Variants in UNC5D observed in about 807,000 individuals in gnomAD.
The protein encoded by UNC5D is unc-5 netrin receptor D, also known as netrin receptor UNC5D.
A neutral mutation model predicts 105.4 loss-of-function variants in UNC5D; 39 were observed. The ratio of observed to expected loss-of-function variants is 0.37; its 90% confidence interval spans 0.29 to 0.48. The LOEUF (loss-of-function observed/expected upper bound fraction) is 0.48, where lower values mean the gene tolerates loss of function less well. Among genes scored for constraint, UNC5D ranks in the 20% least tolerant of loss-of-function variants. UNC5D has a pLI of 0.98. For missense variants in UNC5D, 991 were observed against 1,202.4 expected (o/e 0.82, Z 2.60); for synonymous variants, 452 against 450.4 (o/e 1.00, Z -0.04).
In UNC5D at chr8:35,794,411, C is replaced by T. The variant is rs554087387; in HGVS notation, c.*3848C>T. The T allele has an allele frequency of 1.3e-5, 2 of 152,400 alleles. No individual in the cohort carries two copies. Among genetic ancestry groups the T allele is most frequent in the African/African-American group, 2.4e-5 (1 of 41,558 alleles). The allele number at this position is 152,400 out of a possible 1,614,324, so 9.4% of individuals were successfully genotyped here. On this transcript the variant is annotated 3_prime_UTR_variant, in exon 17 of 17. Coordinates refer to ENST00000404895, the MANE Select transcript of UNC5D (RefSeq NM_080872.4). ...CAGAGTTTGAATCCTCAGTAACTCT[C>T]ATTGACTGGATTAGAGGTGATGGCC...
intron 1 of UNC5D, among the ~76,000 whole-genome samples, chr8:35,527,830 C>A (rs1813993546): frequency 6.6e-6 from 1 of 152,076 alleles, no homozygotes; most frequent in Non-Finnish European, 1.5e-5. Context: ...CCACTCTTGG[C>A]CTCTCCTGTT....
intron 1 of UNC5D, among the ~76,000 whole-genome samples, chr8:35,289,307 TAA>T (rs1271109694): frequency 6.6e-6 from 1 of 152,150 alleles, no homozygotes; most frequent in Non-Finnish European, 1.5e-5. Context: ...CAAGCAGACA[TAA>T]AAGTTGTAAA....
intron 1 of UNC5D, chr8:35,254,530 C>T (rs1803943243): frequency 1.3e-5 from 2 of 152,142 alleles, no homozygotes; most frequent in African/African-American, 4.8e-5. Flanking sequence ...AAGACCATTA[C>T]ACTTACTGAG....
chr8:35,446,813 T>C (rs1807827831), intron 1 of UNC5D, among the ~76,000 whole-genome samples: 1 of 152,122 alleles, frequency 6.6e-6, no homozygotes, highest in Admixed American at 6.6e-5. Flanking sequence ...TGATGGCCTG[T>C]CCTGTGAGGA....
chr8:35,350,517 A>C (rs950025700), intron 1 of UNC5D, among the ~76,000 whole-genome samples: 1 of 152,056 alleles, frequency 6.6e-6, no homozygotes, highest in Non-Finnish European at 1.5e-5. Context: ...AACATGTACT[A>C]TTCAACGATA....
intron 1 of UNC5D, chr8:35,544,615 T>C: frequency 6.8e-7 from 1 of 1,477,520 alleles, no homozygotes; most frequent in Non-Finnish European, 9.0e-7. Context: ...TTTTTTTTTT[T>C]TTTTTGAGAC....
At chr8:35,589,633 C>T (rs1330927144) in intron 3 of UNC5D, among the ~76,000 whole-genome samples, 2 of 152,122 alleles carry the variant, frequency 1.3e-5, no homozygotes, top group African/African-American at 2.4e-5. Context: ...AAAACTACTT[C>T]TCTTTGCTGT....
intron 1 of UNC5D, among the ~76,000 whole-genome samples, chr8:35,496,666 T>C (rs1212337312): frequency 3.3e-5 from 5 of 152,296 alleles, no homozygotes; most frequent in African/African-American, 1.2e-4. Flanking sequence ...ATTTCCCACT[T>C]TTAAGTGTAC....
intron 1 of UNC5D, among the ~76,000 whole-genome samples, chr8:35,479,444 T>A (rs1016759769): frequency 1.3e-5 from 2 of 152,194 alleles, no homozygotes; most frequent in African/African-American, 4.8e-5. Context: ...CTATTGTGTA[T>A]ATACCCAAAG....
At chr8:35,647,682 T>A (rs1333524066) in intron 4 of UNC5D, among the ~76,000 whole-genome samples, 1 of 152,172 alleles carries the variant, frequency 6.6e-6, no homozygotes, top group Non-Finnish European at 1.5e-5. Context: ...AGTATTCTTA[T>A]CTACAATGGT....
chr8:35,601,181 C>T (rs1819856736), intron 4 of UNC5D, among the ~76,000 whole-genome samples: 1 of 152,086 alleles, frequency 6.6e-6, no homozygotes. Flanking sequence ...GTACCAGTAC[C>T]ATGCTGTTTT....
intron 1 of UNC5D, among the ~76,000 whole-genome samples, chr8:35,453,383 T>C (rs1808291633): frequency 6.6e-6 from 1 of 152,062 alleles, no homozygotes; most frequent in African/African-American, 2.4e-5. Context: ...AAAAAGGAAA[T>C]CCAAGGACAT....
intron 1 of UNC5D, among the ~76,000 whole-genome samples, chr8:35,414,758 A>C (rs1805422011): frequency 6.6e-6 from 1 of 152,138 alleles, no homozygotes; most frequent in Non-Finnish European, 1.5e-5. Context: ...TTCTCTCATC[A>C]GTCACACTGG....
At chr8:35,789,442 GAAAA>G (rs933667906) in intron 16 of UNC5D, among the ~76,000 whole-genome samples, 1 of 150,968 alleles carries the variant, frequency 6.6e-6, no homozygotes, top group Non-Finnish European at 1.5e-5. Flanking sequence ...ACGTTAAAAA[GAAAA>G]AAAATATAAA....
At chr8:35,549,950 T>TC (rs1057084826) in intron 2 of UNC5D, among the ~76,000 whole-genome samples, 57 of 133,606 alleles carry the variant, frequency 4.3e-4, no homozygotes, top group East Asian at 1.1e-3. Flanking sequence ...GGTTTCTGAG[T>TC]CCTTTTTTTT....
intron 1 of UNC5D, among the ~76,000 whole-genome samples, chr8:35,402,849 A>G (rs1255043970): frequency 6.6e-6 from 1 of 152,096 alleles, no homozygotes; most frequent in African/African-American, 2.4e-5. Context: ...AGTTTGATGT[A>G]CCTCAGATCA....
At chr8:35,607,699 C>G (rs899866016) in intron 4 of UNC5D, among the ~76,000 whole-genome samples, 1 of 152,096 alleles carries the variant, frequency 6.6e-6, no homozygotes, top group Non-Finnish European at 1.5e-5. Context: ...TTGATGGGCA[C>G]ATTTTTGTAA....
chr8:35,259,993 A>G (rs1804362709), intron 1 of UNC5D, among the ~76,000 whole-genome samples: 1 of 152,170 alleles, frequency 6.6e-6, no homozygotes, highest in South Asian at 2.1e-4. Flanking sequence ...CTAGGATACA[A>G]ATAAAAAAGT....
At chr8:35,600,643 G>A (rs1336394325) in intron 4 of UNC5D, among the ~76,000 whole-genome samples, 1 of 152,122 alleles carries the variant, frequency 6.6e-6, no homozygotes, top group Non-Finnish European at 1.5e-5. Flanking sequence ...TTTTGATGGG[G>A]TTGTTTGTTT....
Sources: gnomAD v4.1 joint callset for allele counts (sites outside exome capture counted in the v4.1 genomes callset) on GRCh38, gnomAD v4.1.1 for gene constraint, MANE v1.5 for transcripts, NCBI Gene and HGNC (gene_info 2026-07-23, HGNC 2026-07-21) for gene names.